Variants in GALNT9 observed in about 807,000 individuals in gnomAD.
GALNT9 encodes polypeptide N-acetylgalactosaminyltransferase 9.
A neutral mutation model predicts 63.1 loss-of-function variants in GALNT9; 47 were observed. The ratio of observed to expected loss-of-function variants is 0.75; its 90% CI spans 0.59 to 0.95. The LOEUF is 0.95. Among genes scored for constraint, GALNT9 ranks in the 40% least tolerant of loss-of-function variants. GALNT9 has a pLI of 0.00. For missense variants in GALNT9, 829 were observed against 874.8 expected (o/e 0.95, Z 0.66); for synonymous variants, 396 against 365.7 (o/e 1.08, Z -0.94).
chr12:132,267,766 T>TGCACTCACACACATGCACTCACACAC (rs1879666623), intron 2 of GALNT9, among the ~76,000 whole-genome samples: 2 of 139,812 alleles, frequency 1.4e-5, no homozygotes, highest in African/African-American at 6.2e-5. Context: ...CACACACACA[T>TGCACTCACACACATGCACTCACACAC]GCACTCACAC....
In GALNT9 at chr12:132,238,219, G is replaced by T. The variant is rs1259504859; in HGVS notation, c.1077+9691C>A. ...CTCAGGACCCAGGAGAGAGGGGAGA[G>T]AGGGGGCGTCATCCCAGAGCCCATG... On this transcript the variant is annotated intron_variant, in intron 6 of 10. Transcript: ENST00000328957. This position sits in a 1 kb window ranked among gnomAD's most constrained non-coding sequence, Gnocchi z 6.5. 7.2e-5 allele frequency among the ~76,000 whole-genome samples: 11 copies of T among 152,102 alleles called. No individual in the cohort carries two copies. The highest frequency in any genetic ancestry group is 4.6e-4 in the Admixed American group (7 of 15,284).
intron 2 of GALNT9, among the ~76,000 whole-genome samples, chr12:132,268,127 ACACT>A (rs766991314): frequency 0.045 from 6,612 of 148,180 alleles, 287 homozygotes; most frequent in African/African-American, 0.12. Flanking sequence ...ACCCACACAC[ACACT>A]CACGCTCACA....
chr12:132,229,444 G>A lies in GALNT9; in HGVS notation c.1077+18466C>T, dbSNP rs912619190. On this transcript the variant is annotated intron_variant, in intron 6 of 10. Transcript: ENST00000328957. The stretch of plus-strand genomic sequence containing the variant: ...TTGACGCCCCACCCGTCCTGCCCTG[G>A]CACGAGCACTTTATGGAGAGACTAT... Among the ~76,000 whole-genome samples the A allele has an allele frequency of 6.1e-4, 93 of 152,370 alleles. 4 individuals are homozygous for A. The South Asian group carries it at 0.019, about 31-fold the overall frequency.
chr12:132,269,676 G>A (rs992657836), intron 2 of GALNT9, among the ~76,000 whole-genome samples: 3 of 152,214 alleles, frequency 2.0e-5, no homozygotes, highest in Non-Finnish European at 4.4e-5. Flanking sequence ...ATTCGGGGCC[G>A]AGGGCGGAAT....
chr12:132,309,099 A>G (rs1469393289), intron 1 of GALNT9, among the ~76,000 whole-genome samples: 4 of 152,210 alleles, frequency 2.6e-5, no homozygotes, highest in Non-Finnish European at 5.9e-5. Context: ...TTCAGCCCAC[A>G]TCCACCGGGC....
At chr12:132,317,114 CCCTACACCCCACAGAGCACAGCCTCAT>C (rs1868548809) in intron 1 of GALNT9, among the ~76,000 whole-genome samples, 1 of 148,048 alleles carries the variant, frequency 6.8e-6, no homozygotes, top group African/African-American at 2.5e-5. Flanking sequence ...ACAGCCTGCA[CCCTACACCCCACAGAGCACAGCCTCAT>C]CCTACACCCC....
At position 132,244,283 on chromosome 12, in the gene GALNT9, ACGGGGGGGCG is replaced by A. The variant is rs1878610437; in HGVS notation, c.1077+3617_1077+3626del. ...ACGGGGGATGTGGTGATGGGGCTGG[ACGGGGGGGCG>A]TGGTGATGGGGCTGGACGGGGGCGT... On this transcript the variant is annotated intron_variant, in intron 6 of 10. Transcript: ENST00000328957. Among the ~76,000 whole-genome samples, 20 of 12,404 alleles carry A rather than the reference ACGGGGGGGCG, an allele frequency of 1.6e-3. 4 individuals carry two copies. Among genetic ancestry groups the A allele is most frequent in the South Asian group, 2.4e-3 (1 of 412 alleles). The allele number at this position is 12,404 out of a possible 152,430, so 8.1% of individuals were successfully genotyped here.
At chr12:132,303,459 G>A (rs797024070) in intron 1 of GALNT9, among the ~76,000 whole-genome samples, 12,111 of 40,546 alleles carry the variant, frequency 0.3, 1,203 homozygotes, top group South Asian at 0.43. Flanking sequence ...GCACACCCTC[G>A]CCCGGACACA....
intron 2 of GALNT9, among the ~76,000 whole-genome samples, chr12:132,277,013 G>A (rs1003072280): frequency 1.3e-5 from 2 of 151,896 alleles, no homozygotes; most frequent in Non-Finnish European, 2.9e-5. Flanking sequence ...AGATACATGC[G>A]CATGTACAGG....
At chr12:132,230,095 G>A (rs2135525685) in intron 6 of GALNT9, among the ~76,000 whole-genome samples, 1 of 152,286 alleles carries the variant, frequency 6.6e-6, no homozygotes, top group South Asian at 2.1e-4. Flanking sequence ...GTGGGGCACA[G>A]AGGGCATCGT....
chr12:132,198,454 G>A (rs1228989088), intron 9 of GALNT9, among the ~76,000 whole-genome samples: 1 of 151,746 alleles, frequency 6.6e-6, no homozygotes, highest in Non-Finnish European at 1.5e-5. Context: ...CTGGGCCTGG[G>A]CCTGTGCTGC....
At chr12:132,205,184 A>T (rs1489549043) in intron 6 of GALNT9, among the ~76,000 whole-genome samples, 3 of 150,908 alleles carry the variant, frequency 2.0e-5, no homozygotes, top group Admixed American at 1.3e-4. Context: ...AAAGAGGGCC[A>T]CACTCACACG....
At chr12:132,201,569 G>A (rs1263214607) in intron 7 of GALNT9, among the ~76,000 whole-genome samples, 2 of 152,158 alleles carry the variant, frequency 1.3e-5, no homozygotes, top group Admixed American at 1.3e-4. Context: ...CTGAGAAGAC[G>A]GCCCTGCTCA....
intron 2 of GALNT9, among the ~76,000 whole-genome samples, chr12:132,281,091 T>C (rs1439886032): frequency 1.3e-5 from 2 of 152,326 alleles, no homozygotes; most frequent in Non-Finnish European, 2.9e-5. Flanking sequence ...GGCCAGGCAC[T>C]GTGGAGACGC....
intron 9 of GALNT9, among the ~76,000 whole-genome samples, chr12:132,198,427 CGGGGCT>C (rs57784041): frequency 0.45 from 67,731 of 151,132 alleles, 15,323 homozygotes; most frequent in Middle Eastern, 0.54. Flanking sequence ...TGTGATTCTG[CGGGGCT>C]GGGGCTGGGG....
chr12:132,259,443 C>T (rs542656121), intron 4 of GALNT9, among the ~76,000 whole-genome samples: 4 of 152,278 alleles, frequency 2.6e-5, no homozygotes, highest in African/African-American at 9.6e-5. Flanking sequence ...ACGTCAGAAG[C>T]TGATAAACAT....
rs915774771 is a variant in GALNT9, at chr12:132,292,497, T to C, written c.239-6067A>G. The stretch of plus-strand genomic sequence containing the variant: ...TCTGACTCCCTCGAGGGCCCTGCTG[T>C]AAGGTCCTGGTCTCCACACAAAACG... On this transcript the variant is annotated intron_variant, in intron 1 of 10. Transcript: ENST00000328957. Among the ~76,000 whole-genome samples, 10 of 152,300 alleles carry C rather than the reference T, an allele frequency of 6.6e-5. No individual in the cohort carries two copies. The South Asian group carries it at 1.9e-3, about 28-fold the overall frequency.
intron 9 of GALNT9, 88 bp downstream of exon 9, chr12:132,199,086 G>GCCCCGTGCCTCTGC: frequency 2.4e-6 from 2 of 840,044 alleles, no homozygotes; most frequent in South Asian, 3.0e-5. Context: ...CAGCAGGCTG[G>GCCCCGTGCCTCTGC]ACCCGTGCCT....
chr12:132,271,510 G>A (rs1158935863), intron 2 of GALNT9, among the ~76,000 whole-genome samples: 1 of 152,146 alleles, frequency 6.6e-6, no homozygotes, highest in Admixed American at 6.5e-5. Context: ...GCCTCCCTCC[G>A]ACGCCCACCC....
Sources: gnomAD v4.1 joint callset for allele counts (sites outside exome capture counted in the v4.1 genomes callset) on GRCh38, gnomAD v4.1.1 for gene constraint, Gnocchi (gnomAD v3.1) non-coding constraint, MANE v1.5 for transcripts, NCBI Gene and HGNC (gene_info 2026-07-23, HGNC 2026-07-21) for gene names.